IMPG2: variants seen among roughly 807,000 people sequenced by gnomAD.
The protein encoded by IMPG2 is IPM 200.
Under a neutral mutation model 129.2 loss-of-function variants are expected in IMPG2, and 91 were observed. That is an observed-to-expected ratio of 0.70 (90% CI 0.59 to 0.84). The LOEUF (loss-of-function observed/expected upper bound fraction) is 0.84, where lower values mean the gene tolerates loss of function less well. Ranked by LOEUF, IMPG2 falls within the 40% of genes least tolerant of loss-of-function variation. IMPG2 has a pLI of 0.00. For synonymous variants in IMPG2, 510 were observed against 517.7 expected (o/e 0.99, Z 0.20); for missense variants, 1,430 against 1,461.7 (o/e 0.98, Z 0.35).
chr3:101,244,941 T>A (rs532519750), intron 12 of IMPG2, among the ~76,000 whole-genome samples, 154 bp from the exon 13 acceptor site: 8 of 152,314 alleles, frequency 5.3e-5, no homozygotes, highest in African/African-American at 1.9e-4. Flanking sequence ...AACAAGAAGA[T>A]CTGATCATGT....
chr3:101,307,562 G>A (rs970849617), intron 2 of IMPG2, among the ~76,000 whole-genome samples: 4 of 152,176 alleles, frequency 2.6e-5, no homozygotes, highest in Admixed American at 2.6e-4. Context: ...CCCTTAAAAA[G>A]CTATCAGATC....
chr3:101,256,226 A>G (rs1441641912), intron 10 of IMPG2, among the ~76,000 whole-genome samples: 1 of 151,284 alleles, frequency 6.6e-6, no homozygotes, highest in Non-Finnish European at 1.5e-5. Flanking sequence ...AGAAAAAAAT[A>G]TCTTATTTGG....
At chr3:101,255,114 A>C (rs1187601920) in intron 10 of IMPG2, among the ~76,000 whole-genome samples, 1 of 152,050 alleles carries the variant, frequency 6.6e-6, no homozygotes, top group Admixed American at 6.6e-5. Context: ...TTTCCTTCAT[A>C]AATTACCAAG....
intron 11 of IMPG2, among the ~76,000 whole-genome samples, chr3:101,252,743 C>T (rs138751756): frequency 6.6e-6 from 1 of 152,090 alleles, no homozygotes; most frequent in Non-Finnish European, 1.5e-5. Context: ...TATTGAGTTG[C>T]TCTATAACCT....
In IMPG2 at chr3:101,265,828, T is replaced by C. The variant is rs550044283; in HGVS notation, c.908+1683A>G. Among the ~76,000 whole-genome samples the C allele has an allele frequency of 4.6e-5, 7 of 152,230 alleles. No homozygotes were observed. In the South Asian group the frequency reaches 6.2e-4, roughly 14 times the overall value. ...TGACATGGGATCAATATCCAGAATA[T>C]AGAAGAAACTCAAATATCTCCACAG... On this transcript the variant is annotated intron_variant, in intron 9 of 18. Transcript: ENST00000193391.
At chr3:101,296,700 T>G (rs1707083027) in intron 3 of IMPG2, among the ~76,000 whole-genome samples, 1 of 150,942 alleles carries the variant, frequency 6.6e-6, no homozygotes, top group African/African-American at 2.4e-5. Context: ...GTCCCAGGAT[T>G]TTTTTTTTGG....
intron 3 of IMPG2, among the ~76,000 whole-genome samples, chr3:101,294,053 C>A (rs978208427): frequency 3.3e-5 from 5 of 152,140 alleles, no homozygotes; most frequent in African/African-American, 7.2e-5. Flanking sequence ...ACTGGAATAG[C>A]ACTTTAAATT....
intron 11 of IMPG2, among the ~76,000 whole-genome samples, chr3:101,252,861 T>C (rs1706558884): frequency 6.6e-6 from 1 of 152,128 alleles, no homozygotes; most frequent in Admixed American, 6.6e-5. Context: ...AAATAGCTGA[T>C]ATGAGACAGA....
chr3:101,255,628 C>G (rs1002146729), intron 10 of IMPG2, among the ~76,000 whole-genome samples: 4 of 152,178 alleles, frequency 2.6e-5, no homozygotes, highest in Non-Finnish European at 4.4e-5. Context: ...TCTGTCTGAT[C>G]CCAATATCCT....
chr3:101,310,931 T>G (rs566684849), intron 2 of IMPG2, among the ~76,000 whole-genome samples: 1 of 152,318 alleles, frequency 6.6e-6, no homozygotes, highest in African/African-American at 2.4e-5. Flanking sequence ...TTCAATGCTT[T>G]GTCTAAAATA....
intron 10 of IMPG2, among the ~76,000 whole-genome samples, chr3:101,255,072 C>G (rs1396722829): frequency 6.6e-6 from 1 of 152,032 alleles, no homozygotes; most frequent in Admixed American, 6.6e-5. Flanking sequence ...GCTTCCTGTA[C>G]AGCCTGTGGA....
chr3:101,297,948 T>C (rs939763781), intron 3 of IMPG2, among the ~76,000 whole-genome samples: 3 of 152,266 alleles, frequency 2.0e-5, no homozygotes, highest in Non-Finnish European at 4.4e-5. Context: ...AAGTTCTGAA[T>C]ATCCTTGTTA....
intron 14 of IMPG2, among the ~76,000 whole-genome samples, chr3:101,237,689 G>A (rs573136215): frequency 1.3e-5 from 2 of 152,072 alleles, no homozygotes; most frequent in Non-Finnish European, 1.5e-5. Context: ...CAAAAAGGAC[G>A]TCCAGACACA....
intron 3 of IMPG2, among the ~76,000 whole-genome samples, chr3:101,294,400 T>C (rs1176215352): frequency 2.0e-5 from 3 of 152,232 alleles, no homozygotes; most frequent in East Asian, 1.9e-4. Flanking sequence ...GCTTCATCCA[T>C]GTCTCTGCAA....
In IMPG2 at chr3:101,222,770, T is replaced by C. The variant is rs1172667861; in HGVS notation, c.*4199A>G. ...AAAAAGAAAAGTCCTTCATTATCCA[T>C]ACTCGATATTAAACATATATTACTG... On this transcript the variant is annotated 3_prime_UTR_variant, in exon 19 of 19. Transcript: ENST00000193391. The C allele has an allele frequency of 6.6e-6, 1 of 152,224 alleles. No individual in the cohort carries two copies. The highest frequency in any genetic ancestry group is 1.5e-5 in the Non-Finnish European group (1 of 68,034). 9.4% of individuals were successfully genotyped at this position (152,224 alleles called of 1,614,324 possible).
rs1707188547 is a variant in IMPG2 at position 101,306,281 on chromosome 3, GA to G, written c.335-1970del. Among the ~76,000 whole-genome samples, 3 of 152,326 alleles carry G rather than the reference GA, an allele frequency of 2.0e-5. No homozygotes were observed. In the South Asian group the frequency reaches 6.2e-4, roughly 32 times the overall value. ...GTCCAATAGTTATTTGGTAGAAGAA[GA>G]TAGTCTAAGCCAAAAAAATTCTTAA... On this transcript the variant is annotated intron_variant, in intron 2 of 18. Coordinates refer to ENST00000193391, the MANE Select transcript of IMPG2 (RefSeq NM_016247.4).
At chr3:101,256,141 AAAG>A (rs1340903312) in intron 10 of IMPG2, among the ~76,000 whole-genome samples, 16 of 144,066 alleles carry the variant, frequency 1.1e-4, no homozygotes, top group African/African-American at 4.0e-4. Flanking sequence ...AGAAAGAAAG[AAAG>A]AAAAGAAAGA....
intron 11 of IMPG2, among the ~76,000 whole-genome samples, chr3:101,251,452 C>T (rs1204751214): frequency 1.3e-5 from 2 of 152,160 alleles, no homozygotes; most frequent in African/African-American, 4.8e-5. Context: ...AAGGTTAACA[C>T]ATACATGCCA....
At chr3:101,299,456 T>C (rs1458484476) in intron 3 of IMPG2, among the ~76,000 whole-genome samples, 1 of 152,240 alleles carries the variant, frequency 6.6e-6, no homozygotes, top group African/African-American at 2.4e-5. Context: ...TGCAATCATT[T>C]GGAGGAGAAG....
Sources: allele counts gnomAD v4.1 joint callset (sites outside exome capture counted in the v4.1 genomes callset), GRCh38; gene constraint gnomAD v4.1.1; transcripts MANE v1.5; gene names NCBI Gene and HGNC (gene_info 2026-07-23, HGNC 2026-07-21).